Variants in PPP3CA observed in about 807,000 individuals in gnomAD.
PPP3CA encodes the protein protein phosphatase 3 catalytic subunit alpha, also known as CAM-PRP catalytic subunit.
A neutral mutation model predicts 66.5 loss-of-function variants in PPP3CA; 14 were observed. The ratio of observed to expected loss-of-function variants is 0.21; its 90% CI spans 0.14 to 0.33. PPP3CA has a LOEUF of 0.33. Ranked by LOEUF, PPP3CA falls within the 10% of genes least tolerant of loss-of-function variation. The pLI is 1.00. For synonymous variants in PPP3CA, 232 were observed against 226.2 expected (o/e 1.03, Z -0.23); for missense variants, 317 against 639.5 (o/e 0.50, Z 5.44).
At chr4:101,226,506 A>C (rs974258119) in intron 1 of PPP3CA, among the ~76,000 whole-genome samples, 1 of 151,720 alleles carries the variant, frequency 6.6e-6, no homozygotes, top group African/African-American at 2.4e-5. Flanking sequence ...GTCTCTATAA[A>C]GATCCTTTCA....
chr4:101,119,001 A>G (rs1242193147), intron 2 of PPP3CA, among the ~76,000 whole-genome samples: 2 of 149,444 alleles, frequency 1.3e-5, no homozygotes, highest in Non-Finnish European at 3.0e-5. Flanking sequence ...CAAGCAATGT[A>G]AGGAAGAAAA....
intron 9 of PPP3CA, among the ~76,000 whole-genome samples, chr4:101,062,423 C>T (rs1431686105): frequency 1.3e-5 from 2 of 151,962 alleles, no homozygotes; most frequent in East Asian, 3.9e-4. Flanking sequence ...CTCTGATACT[C>T]CTCATAGAAC....
At chr4:101,136,813 TG>T (rs1284185871) in intron 2 of PPP3CA, among the ~76,000 whole-genome samples, 1 of 152,172 alleles carries the variant, frequency 6.6e-6, no homozygotes, top group Non-Finnish European at 1.5e-5. Context: ...ATTACTAATG[TG>T]CACCTCACTG....
At chr4:101,036,380 G>GT (rs1331074365) in intron 11 of PPP3CA, among the ~76,000 whole-genome samples, 4 of 151,076 alleles carry the variant, frequency 2.6e-5, no homozygotes, top group African/African-American at 9.7e-5. Flanking sequence ...TTGTCTCTGT[G>GT]TTGTTTACTC....
intron 1 of PPP3CA, among the ~76,000 whole-genome samples, chr4:101,302,785 C>T (rs934231938): frequency 6.6e-6 from 1 of 152,042 alleles, no homozygotes; most frequent in Non-Finnish European, 1.5e-5. Context: ...GTGATTTGGC[C>T]CCATGTCAGC....
At chr4:101,171,304 G>C in intron 2 of PPP3CA, 1 of 431,740 alleles carries the variant, frequency 2.3e-6, no homozygotes, top group Non-Finnish European at 4.6e-6. Flanking sequence ...ATTCTTTAAA[G>C]CTCCATAGTT....
chr4:101,229,557 T>C (rs992937827), intron 1 of PPP3CA, among the ~76,000 whole-genome samples: 2 of 151,716 alleles, frequency 1.3e-5, no homozygotes, highest in African/African-American at 4.8e-5. Flanking sequence ...ATCTATTTAT[T>C]CTTTGCAAAA....
chr4:101,287,701 A>G (rs1415835382), intron 1 of PPP3CA, among the ~76,000 whole-genome samples: 1 of 152,112 alleles, frequency 6.6e-6, no homozygotes, highest in African/African-American at 2.4e-5. Context: ...TCTGCCTTCC[A>G]AGGTATACAG....
intron 1 of PPP3CA, among the ~76,000 whole-genome samples, chr4:101,283,109 G>A (rs1578627220): frequency 6.6e-6 from 1 of 152,168 alleles, no homozygotes; most frequent in East Asian, 1.9e-4. Context: ...GCACTACTCA[G>A]TTTTCTCACA....
At chr4:101,081,608 T>G (rs1729442876) in intron 7 of PPP3CA, among the ~76,000 whole-genome samples, 1 of 152,222 alleles carries the variant, frequency 6.6e-6, no homozygotes, top group African/African-American at 2.4e-5. Context: ...TCTTCGTTGA[T>G]CTGTGTCATT....
At chr4:101,135,159 G>A (rs773494990) in intron 2 of PPP3CA, among the ~76,000 whole-genome samples, 3 of 151,706 alleles carry the variant, frequency 2.0e-5, no homozygotes, top group East Asian at 1.9e-4. Flanking sequence ...GATGGCACAT[G>A]TATACCTATG....
At chr4:101,235,122 A>G (rs1726085338) in intron 1 of PPP3CA, among the ~76,000 whole-genome samples, 1 of 151,834 alleles carries the variant, frequency 6.6e-6, no homozygotes, top group Non-Finnish European at 1.5e-5. Flanking sequence ...TCAAAATAAG[A>G]CTTTTTAAGA....
Position 101,347,524 on chromosome 4 carries a change from C to G in PPP3CA, c.-728G>C, listed in dbSNP as rs1175370514. The G allele has an allele frequency of 6.0e-6, 1 of 166,868 alleles. No individual in the cohort carries two copies. Among genetic ancestry groups the G allele is most frequent in the East Asian group, 1.8e-4 (1 of 5,440 alleles). The allele number at this position is 166,868 out of a possible 1,614,324, so 10.3% of individuals were successfully genotyped here. A position where few individuals can be genotyped will look rare whatever the true frequency, so the allele number is the denominator to read the frequency against. On this transcript the variant is annotated 5_prime_UTR_variant, in exon 1 of 14. Coordinates refer to ENST00000394854, the MANE Select transcript of PPP3CA (RefSeq NM_000944.5). ...TCGGCAGACACAGTCCCGGGCACAA[C>G]CTACCCCCCTCCGCCGCCGCCGCCG...
rs1187180631 is a variant in PPP3CA, at chr4:101,347,126, G to A, written c.-330C>T. The A allele has an allele frequency of 6.4e-6, 3 of 471,032 alleles. No homozygotes were observed. The highest frequency in any genetic ancestry group is 4.2e-5 in the South Asian group (2 of 47,970). 29.2% of individuals were successfully genotyped at this position (471,032 alleles called of 1,614,324 possible). On this transcript the variant is annotated 5_prime_UTR_variant, in exon 1 of 14. Coordinates refer to ENST00000394854, the MANE Select transcript of PPP3CA (RefSeq NM_000944.5). ...ATTCTTGGGGGAAGGGGGATGGGGAGGAGAAGCGCACACACGAGCACCCAC... is the reference window on the plus strand; with the variant it reads ...ATTCTTGGGGGAAGGGGGATGGGGAAGAGAAGCGCACACACGAGCACCCAC...
At chr4:101,094,249 ACTTT>A (rs1306389960) in intron 5 of PPP3CA, among the ~76,000 whole-genome samples, 1 of 150,970 alleles carries the variant, frequency 6.6e-6, no homozygotes, top group Non-Finnish European at 1.5e-5. Context: ...CTCCTTACTT[ACTTT>A]ATCTATCCAA....
chr4:101,300,996 A>G (rs892920630), intron 1 of PPP3CA, among the ~76,000 whole-genome samples: 15 of 152,168 alleles, frequency 9.9e-5, no homozygotes, highest in African/African-American at 3.1e-4. Flanking sequence ...AATTATCACA[A>G]TCTTTAGATT....
chr4:101,199,279 C>T (rs1237138164), intron 1 of PPP3CA, among the ~76,000 whole-genome samples: 1 of 152,188 alleles, frequency 6.6e-6, no homozygotes, highest in African/African-American at 2.4e-5. Context: ...TTAATTAATT[C>T]ATTGTGAAAG....
intron 1 of PPP3CA, among the ~76,000 whole-genome samples, chr4:101,324,177 G>A (rs1485146996): frequency 7.8e-6 from 1 of 128,918 alleles, no homozygotes; most frequent in Non-Finnish European, 1.7e-5. Flanking sequence ...AGGAAGGAAG[G>A]AAGGAAGGAA....
At chr4:101,034,824 T>A (rs562026203) in intron 11 of PPP3CA, among the ~76,000 whole-genome samples, 1 of 152,218 alleles carries the variant, frequency 6.6e-6, no homozygotes, top group Non-Finnish European at 1.5e-5. Context: ...AAGAAATACA[T>A]TGAATGATAA....
Sources: allele counts gnomAD v4.1 joint callset (sites outside exome capture counted in the v4.1 genomes callset), GRCh38; gene constraint gnomAD v4.1.1; transcripts MANE v1.5; gene names NCBI Gene and HGNC (gene_info 2026-07-23, HGNC 2026-07-21).